KCNG2: variants seen among roughly 807,000 people sequenced by gnomAD.
KCNG2 encodes voltage-gated potassium channel regulatory subunit KCNG2.
In KCNG2, 7 loss-of-function variants were observed where a neutral mutation model predicts 12.3. That is an observed-to-expected ratio of 0.57 (90% CI 0.32 to 1.07). The LOEUF is 1.07. KCNG2 is among the 50% of genes least tolerant of loss of function. The pLI is 0.04. For missense variants in KCNG2, 703 were observed against 726.0 expected (o/e 0.97, Z 0.36); for synonymous variants, 414 against 351.4 (o/e 1.18, Z -1.99).
chr18:79,882,783 G>A (rs934193703), intron 3 of KCNG2, among the ~76,000 whole-genome samples: 1 of 143,010 alleles, frequency 7.0e-6, no homozygotes, highest in Non-Finnish European at 1.6e-5. Flanking sequence ...GTACACCTGC[G>A]CGTGGAGCGC....
intron 1 of KCNG2, among the ~76,000 whole-genome samples, chr18:79,804,546 C>A (rs1457433445): frequency 6.6e-6 from 1 of 152,236 alleles, no homozygotes; most frequent in African/African-American, 2.4e-5. Context: ...CAGAAACACA[C>A]CCCAGCCCCA....
At chr18:79,861,504 C>T (rs1979220956) in intron 2 of KCNG2, among the ~76,000 whole-genome samples, 1 of 152,098 alleles carries the variant, frequency 6.6e-6, no homozygotes, top group South Asian at 2.1e-4. Context: ...GTCTCAAACT[C>T]CTGACCTCAG....
chr18:79,881,445 T>A (rs1245755778), intron 3 of KCNG2, among the ~76,000 whole-genome samples: 1 of 151,990 alleles, frequency 6.6e-6, no homozygotes, highest in Non-Finnish European at 1.5e-5. Context: ...CTTAAGAAAA[T>A]TAAGGGAGTT....
At chr18:79,882,394 GA>G (rs57171164) in intron 3 of KCNG2, among the ~76,000 whole-genome samples, 45,266 of 152,108 alleles carry the variant, frequency 0.3, 7,816 homozygotes, top group South Asian at 0.53. Flanking sequence ...TTAAGAGAAT[GA>G]AAAAACAAGC....
In KCNG2 at chr18:79,873,905, C is replaced by T. The variant is rs146139352; in HGVS notation, c.624+9614C>T. Among the ~76,000 whole-genome samples, 17 of 152,366 alleles carry T rather than the reference C, an allele frequency of 1.1e-4. 1 individual carries two copies. In the East Asian group the frequency reaches 3.3e-3, roughly 29 times the overall value. On this transcript the variant is annotated intron_variant, in intron 3 of 3. Transcript: ENST00000316249. ...CTGGCCTCGCTGCTGAGGGGACATCCTTGTCAGTGACATGCTCATGCTGAG... is the reference window on the plus strand; with the variant it reads ...CTGGCCTCGCTGCTGAGGGGACATCTTTGTCAGTGACATGCTCATGCTGAG...
At chr18:79,837,935 A>G (rs1978351414) in intron 1 of KCNG2, among the ~76,000 whole-genome samples, 1 of 152,156 alleles carries the variant, frequency 6.6e-6, no homozygotes, top group Non-Finnish European at 1.5e-5. Flanking sequence ...GTAATTTATG[A>G]AGAAAAAAGG....
intron 1 of KCNG2, among the ~76,000 whole-genome samples, chr18:79,845,935 G>A (rs894547172): frequency 1.3e-5 from 2 of 150,206 alleles, no homozygotes; most frequent in Non-Finnish European, 3.0e-5. Context: ...AAAATACAAA[G>A]AAAAAATTAG....
At chr18:79,821,777 C>A (rs2087572332) in intron 1 of KCNG2, among the ~76,000 whole-genome samples, 1 of 152,158 alleles carries the variant, frequency 6.6e-6, no homozygotes, top group Non-Finnish European at 1.5e-5. Flanking sequence ...CCTGCTCCGC[C>A]CTCAACTGCC....
At chr18:79,806,050 G>C (rs1236130678) in intron 1 of KCNG2, among the ~76,000 whole-genome samples, 1 of 152,196 alleles carries the variant, frequency 6.6e-6, no homozygotes, top group East Asian at 1.9e-4. Flanking sequence ...GAAGGAGGCG[G>C]CTGGGATAGC....
chr18:79,859,169 G>A (rs1176029942), intron 2 of KCNG2, among the ~76,000 whole-genome samples: 1 of 152,130 alleles, frequency 6.6e-6, no homozygotes, highest in African/African-American at 2.4e-5. Flanking sequence ...TGTACAGTCT[G>A]TTTTCTTCTA....
chr18:79,864,323 C>A, intron 3 of KCNG2, 32 bp downstream of exon 3: 1 of 1,349,716 alleles, frequency 7.4e-7, no homozygotes. Context: ...GGGGACCGGG[C>A]CGGAGCTGGG....
At chr18:79,878,580 T>G (rs896831337) in intron 3 of KCNG2, among the ~76,000 whole-genome samples, 2 of 152,226 alleles carry the variant, frequency 1.3e-5, no homozygotes, top group African/African-American at 4.8e-5. Context: ...TTCCTCCCCT[T>G]GGCAGTTCCG....
intron 1 of KCNG2, among the ~76,000 whole-genome samples, chr18:79,804,573 G>A (rs2087435215): frequency 6.6e-6 from 1 of 152,236 alleles, no homozygotes; most frequent in African/African-American, 2.4e-5. Context: ...CTGACGCACC[G>A]CTGCTTCCTG....
chr18:79,856,909 G>T (rs1321884106), intron 2 of KCNG2, among the ~76,000 whole-genome samples: 1 of 151,574 alleles, frequency 6.6e-6, no homozygotes, highest in Non-Finnish European at 1.5e-5. Flanking sequence ...GACTTGTAGG[G>T]CTCGGGAAAT....
chr18:79,882,338 C>T (rs986280147), intron 3 of KCNG2, among the ~76,000 whole-genome samples: 1 of 152,322 alleles, frequency 6.6e-6, no homozygotes. Flanking sequence ...GCAAGACCCT[C>T]ATCTCTATTA....
At chr18:79,842,833 T>G (rs905154219) in intron 1 of KCNG2, among the ~76,000 whole-genome samples, 1 of 152,086 alleles carries the variant, frequency 6.6e-6, no homozygotes, top group African/African-American at 2.4e-5. Flanking sequence ...AAGAAAAGTG[T>G]GAAGAAATCC....
intron 3 of KCNG2, among the ~76,000 whole-genome samples, chr18:79,866,034 G>GTTC (rs1979513882): frequency 6.7e-6 from 1 of 149,166 alleles, no homozygotes; most frequent in Non-Finnish European, 1.5e-5. Context: ...AGAGGTCTGT[G>GTTC]TGCTGAGAGG....
rs778683027 is a variant in KCNG2 at position 79,863,772 on chromosome 18, G to A, written c.105G>A (p.Leu35=). ...GCGTGCGCCTGGCATGGGCCGCGCTGGCGCGATGCCCCCTCGCGCGCCTGG... is the reference window on the plus strand; with the variant it reads ...GCGTGCGCCTGGCATGGGCCGCGCTAGCGCGATGCCCCCTCGCGCGCCTGG... ...GCRVRLAWAA[L]ARCPLARLER... is the part of the protein sequence containing the mutation. Residue 35 remains leucine (L), a synonymous_variant, in exon 3 of 4, where the codon CTG becomes CTA. Transcript: ENST00000316249. 3.1e-5 allele frequency: 39 copies of A among 1,266,338 alleles called. No individual in the cohort carries two copies. The highest frequency in any genetic ancestry group is 1.9e-5 in the Non-Finnish European group (19 of 1,001,040). 78.4% of individuals were successfully genotyped at this position (1,266,338 alleles called of 1,614,324 possible).
At chr18:79,898,913 C>T (rs778656680) in intron 3 of KCNG2, 127 bp from the exon 4 acceptor site, 83 of 667,644 alleles carry the variant, frequency 1.2e-4, no homozygotes, top group Non-Finnish European at 1.8e-4. Flanking sequence ...CCCCTGCACC[C>T]GCTTCCGTGG....
Sources: allele counts gnomAD v4.1 joint callset (sites outside exome capture counted in the v4.1 genomes callset), GRCh38; gene constraint gnomAD v4.1.1; transcripts MANE v1.5; gene names NCBI Gene and HGNC (gene_info 2026-07-23, HGNC 2026-07-21).